Variants in RPA3 observed in about 807,000 individuals in gnomAD.
RPA3 encodes the protein replication protein A3, also known as replication protein A 14 kDa subunit.
Under a neutral mutation model 13.7 loss-of-function variants are expected in RPA3, and 24 were observed. The observed-to-expected ratio is 1.75, with a 90% CI of 1.27 to 2.46. RPA3 has a LOEUF of 2.46. Ranked by LOEUF, RPA3 falls within the 30% of genes most tolerant of loss-of-function variation. The pLI is 0.00. For synonymous variants in RPA3, 59 were observed against 51.2 expected (o/e 1.15, Z -0.65); for missense variants, 183 against 151.0 (o/e 1.21, Z -1.11).
intron 2 of RPA3, among the ~76,000 whole-genome samples, chr7:7,706,542 T>C (rs528199075): frequency 5.3e-5 from 8 of 152,302 alleles, no homozygotes; most frequent in African/African-American, 1.9e-4. Context: ...ATGTTAGATA[T>C]CATTTTTTAA....
chr7:7,700,743 C>T (rs1007667478), intron 2 of RPA3, among the ~76,000 whole-genome samples: 1 of 152,106 alleles, frequency 6.6e-6, no homozygotes, highest in African/African-American at 2.4e-5. Context: ...TAAAAATTAG[C>T]CAGGCATGGT....
At chr7:7,673,586 G>A (rs558769228) in intron 4 of RPA3, 43 of 605,544 alleles carry the variant, frequency 7.1e-5, no homozygotes, top group Non-Finnish European at 6.4e-5. Context: ...TTTTTAAAGC[G>A]TAAAATCTGT....
At chr7:7,650,129 A>C (rs1343426604) in intron 4 of RPA3, among the ~76,000 whole-genome samples, 2 of 152,222 alleles carry the variant, frequency 1.3e-5, no homozygotes, top group Non-Finnish European at 2.9e-5. Context: ...CTGTAATTCC[A>C]TTTACCTTTT....
intron 2 of RPA3, among the ~76,000 whole-genome samples, chr7:7,697,449 T>G (rs74893567): frequency 6.6e-6 from 1 of 152,212 alleles, no homozygotes; most frequent in African/African-American, 2.4e-5. Context: ...AGGTATCTTA[T>G]GGGTACATAC....
intron 4 of RPA3, among the ~76,000 whole-genome samples, chr7:7,671,805 A>C (rs548904523): frequency 6.6e-6 from 1 of 152,004 alleles, no homozygotes; most frequent in East Asian, 1.9e-4. Context: ...ACTGTTTTCA[A>C]ACTTTTCTTT....
chr7:7,717,439 C>T (rs377538170), intron 1 of RPA3, among the ~76,000 whole-genome samples: 15 of 152,162 alleles, frequency 9.9e-5, no homozygotes, highest in African/African-American at 3.6e-4. Context: ...TGGCGTGAGA[C>T]GATAACCTCA....
intron 4 of RPA3, chr7:7,676,017 G>C: frequency 2.5e-6 from 1 of 396,730 alleles, no homozygotes; most frequent in Admixed American, 4.4e-5. Context: ...AGTTTTGATG[G>C]TATCAGTCAG....
intron 4 of RPA3, among the ~76,000 whole-genome samples, chr7:7,678,074 T>C (rs1044371679): frequency 1.3e-5 from 2 of 152,176 alleles, no homozygotes; most frequent in Non-Finnish European, 2.9e-5. Flanking sequence ...CTCTTTGATA[T>C]GCTGATTTCT....
intron 2 of RPA3, among the ~76,000 whole-genome samples, chr7:7,695,717 T>C (rs1045815197): frequency 6.6e-6 from 1 of 152,228 alleles, no homozygotes; most frequent in Non-Finnish European, 1.5e-5. Flanking sequence ...CAACAACTTG[T>C]GTCCTATGTA....
At chr7:7,694,737 A>G (rs1291219344) in intron 2 of RPA3, among the ~76,000 whole-genome samples, 1 of 152,196 alleles carries the variant, frequency 6.6e-6, no homozygotes, top group African/African-American at 2.4e-5. Flanking sequence ...TTATGGCTGA[A>G]TAGTACTCCA....
chr7:7,672,971 C>G (rs542376450), intron 4 of RPA3, among the ~76,000 whole-genome samples: 6 of 152,270 alleles, frequency 3.9e-5, no homozygotes, highest in Admixed American at 3.3e-4. Flanking sequence ...TCCTATCACC[C>G]AAACCAGTGT....
At chr7:7,694,643 A>T (rs28914169) in intron 2 of RPA3, among the ~76,000 whole-genome samples, 1 of 150,952 alleles carries the variant, frequency 6.6e-6, no homozygotes, top group African/African-American at 2.4e-5. Context: ...TGTGAAGTTT[A>T]TCTCTCTCTG....
At chr7:7,695,265 T>A (rs1780281980) in intron 2 of RPA3, among the ~76,000 whole-genome samples, 1 of 152,184 alleles carries the variant, frequency 6.6e-6, no homozygotes, top group Admixed American at 6.5e-5. Context: ...TTTGTTTACT[T>A]GCTGTCAACA....
At chr7:7,667,744 T>C (rs1433115301) in intron 4 of RPA3, among the ~76,000 whole-genome samples, 1 of 152,146 alleles carries the variant, frequency 6.6e-6, no homozygotes, top group African/African-American at 2.4e-5. Context: ...TTGACTAACA[T>C]TGAGAAATAT....
intron 4 of RPA3, among the ~76,000 whole-genome samples, chr7:7,668,381 C>G (rs960184383): frequency 6.6e-5 from 10 of 152,034 alleles, no homozygotes; most frequent in Non-Finnish European, 1.5e-4. Context: ...TTTATGAGTA[C>G]AGTACTATAA....
Position 7,640,393 on chromosome 7 carries a change from C to T in RPA3, c.26G>A (p.Arg9Lys). The part of the protein sequence containing the change: MVDMMDLP[R>K]SRINAGMLAQ... ...TAGCATGCCGGCGTTGATGCGCGAC[C>T]TGGGCAAGTCCATCATGTCCACCAT... The change falls in exon 5 of 8, where the codon AGG becomes AAG. Residue 9 changes from arginine (R) to lysine (K), a missense_variant. Transcript: ENST00000223129. The T allele has an allele frequency of 6.2e-7, 1 of 1,614,072 alleles. No individual in the cohort carries two copies. Among genetic ancestry groups the T allele is most frequent in the African/African-American group, 1.3e-5 (1 of 75,048 alleles).
intron 4 of RPA3, among the ~76,000 whole-genome samples, chr7:7,660,255 A>G (rs529987503): frequency 8.7e-4 from 132 of 152,192 alleles, no homozygotes; most frequent in African/African-American, 2.8e-3. Flanking sequence ...TCTTTATCCA[A>G]TTTGCCAGTC....
intron 2 of RPA3, among the ~76,000 whole-genome samples, chr7:7,709,174 TTGAC>T (rs2115166928): frequency 6.6e-6 from 1 of 152,342 alleles, no homozygotes; most frequent in South Asian, 2.1e-4. Flanking sequence ...TTGTTTGAAA[TTGAC>T]TGTCTTTGTT....
intron 2 of RPA3, among the ~76,000 whole-genome samples, chr7:7,699,132 G>A (rs1298674667): frequency 6.6e-6 from 1 of 151,934 alleles, no homozygotes; most frequent in African/African-American, 2.4e-5. Flanking sequence ...AGCATTATAG[G>A]TGTGAGCCAC....
Sources: allele counts gnomAD v4.1 joint callset (sites outside exome capture counted in the v4.1 genomes callset), GRCh38; gene constraint gnomAD v4.1.1; transcripts MANE v1.5; gene names NCBI Gene and HGNC (gene_info 2026-07-23, HGNC 2026-07-21).